Variants in KIR2DL1 observed in about 807,000 individuals in gnomAD.
KIR2DL1 encodes the protein killer cell immunoglobulin like receptor, two Ig domains and long cytoplasmic tail 1.
Under a neutral mutation model 33.9 loss-of-function variants are expected in KIR2DL1, and 38 were observed. That is an observed-to-expected ratio of 1.12 (90% CI 0.86 to 1.47). The LOEUF is 1.47. Among genes scored for constraint, KIR2DL1 ranks in the 40% most tolerant of loss-of-function variants. The pLI is 0.00. For synonymous variants in KIR2DL1, 179 were observed against 165.9 expected (o/e 1.08, Z -0.61); for missense variants, 531 against 433.9 (o/e 1.22, Z -1.99).
At chr19:54,782,314 A>G (rs2077065765) in intron 5 of KIR2DL1, among the ~76,000 whole-genome samples, 1 of 151,992 alleles carries the variant, frequency 6.6e-6, no homozygotes, top group African/African-American at 2.4e-5. Context: ...CTCTAAAGGA[A>G]CACTTGAGCC....
At chr19:54,771,881 A>G (rs1211934389) in intron 2 of KIR2DL1, among the ~76,000 whole-genome samples, 4 of 147,422 alleles carry the variant, frequency 2.7e-5, no homozygotes, top group Non-Finnish European at 4.6e-5. Context: ...CCCCCTGGAG[A>G]TCACGGTCAC....
Position 54,772,975 on chromosome 19 carries a change from A to G in KIR2DL1, c.71-358A>G, listed in dbSNP as rs2075920602. Among the ~76,000 whole-genome samples the G allele has an allele frequency of 1.3e-5, 2 of 148,208 alleles. 1 individual carries two copies. ...TCCTGCCAAGGATTCCAATTCGTCC[A>G]AAAGAGATTGAACCAGGCTGCTAAG... On this transcript the variant is annotated intron_variant, in intron 2 of 7. Coordinates refer to ENST00000336077, the MANE Select transcript of KIR2DL1 (RefSeq NM_014218.3).
At chr19:54,777,787 G>A (rs1331141367) in intron 4 of KIR2DL1, among the ~76,000 whole-genome samples, 17 of 147,898 alleles carry the variant, frequency 1.1e-4, no homozygotes, top group Admixed American at 6.2e-4. Flanking sequence ...TTTGTTCTAC[G>A]TGTTTCATAG....
chr19:54,780,608 G>A (rs2076830765), intron 5 of KIR2DL1, among the ~76,000 whole-genome samples: 1 of 143,952 alleles, frequency 6.9e-6, no homozygotes, highest in African/African-American at 2.6e-5. Flanking sequence ...TGCATAACTG[G>A]AATCTAGGAG....
intron 4 of KIR2DL1, 105 bp downstream of exon 4, chr19:54,775,563 C>T (rs199760630): frequency 0.13 from 166,873 of 1,277,624 alleles, 154 homozygotes; most frequent in Middle Eastern, 0.21. Flanking sequence ...AGAGAGAAGA[C>T]GCAGCCTCGG....
intron 4 of KIR2DL1, 45 bp downstream of exon 4, chr19:54,775,503 C>T: frequency 6.6e-7 from 1 of 1,522,166 alleles, no homozygotes; most frequent in South Asian, 1.2e-5. Flanking sequence ...ATCCTAGAGC[C>T]TTAGCTGAGG....
chr19:54,776,895 G>A (rs1479695234), intron 4 of KIR2DL1, among the ~76,000 whole-genome samples: 1 of 147,992 alleles, frequency 6.8e-6, no homozygotes, highest in Non-Finnish European at 1.5e-5. Context: ...GCCCGCCTCA[G>A]TCTCCCAAAG....
In KIR2DL1 at chr19:54,773,418, T is replaced by A. The variant is rs2075980380; in HGVS notation, c.156T>A (p.Asp52Glu). ...CAGTCATCCTGCAGTGTTGGTCAGA[T>A]GTCATGTTTGAACACTTCCTTCTGC... ...EETVILQCWS[D>E]VMFEHFLLHR... Residue 52 changes from aspartate (D) to glutamate (E), a missense_variant, in exon 3 of 8, where the codon GAT becomes GAA. Asp to Glu is a conservative substitution (Grantham distance 45). Transcript: ENST00000336077. 6.3e-7 allele frequency: 1 copy of A among 1,592,714 alleles called. No individual in the cohort carries two copies. The highest frequency in any genetic ancestry group is 1.7e-5 in the Admixed American group (1 of 58,908).
Position 54,778,705 on chromosome 19 carries a change from G to A in KIR2DL1, c.715+43G>A, listed in dbSNP as rs2076632607. 2 of 1,462,584 alleles carry A rather than the reference G, an allele frequency of 1.4e-6. 1 individual carries two copies. Among genetic ancestry groups the A allele is most frequent in the Non-Finnish European group, 1.9e-6 (2 of 1,063,500 alleles). 90.6% of individuals were successfully genotyped at this position (1,462,584 alleles called of 1,614,324 possible). A position where few individuals can be genotyped will look rare whatever the true frequency, so the allele number is the denominator to read the frequency against. ...TTATATCCGCTTTTGGAACCCTGGG[G>A]AGGTGGGAACCTTGGATTCAGGCGT... On this transcript the variant is annotated intron_variant, in intron 5 of 7. Transcript: ENST00000336077.
intron 5 of KIR2DL1, among the ~76,000 whole-genome samples, chr19:54,781,875 C>T (rs1367092800): frequency 6.6e-6 from 1 of 151,888 alleles, no homozygotes; most frequent in Non-Finnish European, 1.5e-5. Flanking sequence ...AGCACATTCG[C>T]TGTGAATCAA....
chr19:54,770,957 C>T, intron 2 of KIR2DL1, 73 bp downstream of exon 2: 3 of 1,547,738 alleles, frequency 1.9e-6, no homozygotes, highest in Non-Finnish European at 2.7e-6. Context: ...GAGGGAAGTC[C>T]TGTCAGGGAG....
chr19:54,781,899 T>C (rs2076999557), intron 5 of KIR2DL1, among the ~76,000 whole-genome samples: 1 of 152,130 alleles, frequency 6.6e-6, no homozygotes, highest in African/African-American at 2.4e-5. Context: ...CAGTCCAGTC[T>C]TCCCAGAGAA....
intron 4 of KIR2DL1, among the ~76,000 whole-genome samples, chr19:54,778,032 G>T (rs1238073088): frequency 6.1e-5 from 9 of 148,174 alleles, no homozygotes; most frequent in African/African-American, 2.2e-4. Context: ...AGCCCGAGGT[G>T]GGTGGATCAC....
intron 5 of KIR2DL1, among the ~76,000 whole-genome samples, chr19:54,781,168 C>A: frequency 1.0e-5 from 1 of 96,312 alleles, no homozygotes; most frequent in South Asian, 4.4e-4. Flanking sequence ...CACAAGGAGA[C>A]TCTATCTCAA....
chr19:54,783,642 T>C lies in KIR2DL1; in HGVS notation c.876T>C (p.Ser292=), dbSNP rs2077320552. 1.9e-6 allele frequency: 3 copies of C among 1,613,910 alleles called. No individual in the cohort carries two copies. The Admixed American group carries it at 5.0e-5, about 27-fold the overall frequency. ...CAGCATTTCCCTCTCTCCAGGACTC[T>C]GATGAACAAGACCCTCAGGAGGTGA... is the stretch of plus-strand genomic sequence containing the variant. The part of the protein sequence containing the change: ...AGNRTANSED[S]DEQDPQEVTY... Residue 292 remains serine, a synonymous_variant, in exon 8 of 8, where the codon TCT becomes TCC. Transcript: ENST00000336077.
intron 5 of KIR2DL1, among the ~76,000 whole-genome samples, chr19:54,781,885 A>G (rs965209188): frequency 6.6e-6 from 1 of 151,902 alleles, no homozygotes; most frequent in Admixed American, 6.5e-5. Flanking sequence ...CTGTGAATCA[A>G]TCCCAGTCCA....
At chr19:54,771,007 GC>G in intron 2 of KIR2DL1, 123 bp downstream of exon 2, 1 of 1,401,650 alleles carries the variant, frequency 7.1e-7, no homozygotes, top group Non-Finnish European at 1.0e-6. Context: ...GGGGTGCTGG[GC>G]CCACATTTCT....
At chr19:54,783,584 G>A in intron 7 of KIR2DL1, 46 bp downstream of exon 7, 1 of 1,613,842 alleles carries the variant, frequency 6.2e-7, no homozygotes, top group Non-Finnish European at 8.5e-7. Flanking sequence ...TATTCCCAAA[G>A]AGTCCTGGAA....
In KIR2DL1 at chr19:54,782,986, CT is replaced by C; in HGVS notation, c.782del (p.Phe261SerfsTer16). The C allele has an allele frequency of 6.2e-7, 1 of 1,613,810 alleles. No homozygotes were observed. Among genetic ancestry groups the C allele is most frequent in the Admixed American group, 1.7e-5 (1 of 60,020 alleles). Reference sequence around the variant, plus strand: ...TGGTCATCATCCTCTTCATCCTCCTCTTCTTTCTCCTTCATCGCTGGTGCTC... The same window carrying C: ...TGGTCATCATCCTCTTCATCCTCCTCTCTTTCTCCTTCATCGCTGGTGCTC... ...SVVIILFILL[F>X]FLLHRWCSNK... On this transcript the variant is annotated frameshift_variant, in exon 6 of 8. Transcript: ENST00000336077. LOFTEE classifies it high-confidence loss of function.
Sources: allele counts gnomAD v4.1 joint callset (sites outside exome capture counted in the v4.1 genomes callset), GRCh38; gene constraint gnomAD v4.1.1; transcripts MANE v1.5; gene names NCBI Gene and HGNC (gene_info 2026-07-23, HGNC 2026-07-21).